Variants in ATG10 observed in about 807,000 individuals in gnomAD.
ATG10 encodes the protein ubiquitin-like-conjugating enzyme ATG10.
ATG10 carries 30 observed loss-of-function variants against 32.1 expected under a neutral mutation model. That is an observed-to-expected ratio of 0.94 (90% CI 0.70 to 1.27). ATG10 has a LOEUF of 1.27. Among genes scored for constraint, ATG10 ranks in the 50% most tolerant of loss-of-function variants. The probability of loss-of-function intolerance (pLI) is 0.00; values close to 1 mark genes in which losing one functional copy is unlikely to be tolerated. For synonymous variants in ATG10, 87 were observed against 91.5 expected, an observed-to-expected ratio of 0.95 and a Z score of 0.28; for missense variants, 233 against 262.3, an observed-to-expected ratio of 0.89 and a Z score of 0.77.
chr5:82,055,192 A>T (rs1280313589), intron 2 of ATG10, among the ~76,000 whole-genome samples: 1 of 152,158 alleles, frequency 6.6e-6, no homozygotes, highest in African/African-American at 2.4e-5. Flanking sequence ...AAATCCAAAA[A>T]ACTCTATATT....
chr5:82,002,353 T>C (rs762595872), intron 2 of ATG10, among the ~76,000 whole-genome samples: 7 of 152,206 alleles, frequency 4.6e-5, no homozygotes, highest in Non-Finnish European at 8.8e-5. Context: ...CATATGTTCA[T>C]GGCAGCACTT....
At chr5:82,073,251 A>G (rs1427068386) in intron 3 of ATG10, 1 of 152,156 alleles carries the variant, frequency 6.6e-6, no homozygotes, top group Non-Finnish European at 1.5e-5. Context: ...GATCTATTCT[A>G]CTCAATCTAC....
intron 3 of ATG10, among the ~76,000 whole-genome samples, chr5:82,064,033 A>G (rs751401894): frequency 6.6e-6 from 1 of 152,218 alleles, no homozygotes; most frequent in Non-Finnish European, 1.5e-5. Context: ...TGCTCATGAT[A>G]GATGAACTCA....
At chr5:82,135,477 G>A (rs771972563) in intron 3 of ATG10, among the ~76,000 whole-genome samples, 12 of 152,150 alleles carry the variant, frequency 7.9e-5, no homozygotes, top group African/African-American at 1.7e-4. Flanking sequence ...CTTAATTTTC[G>A]TTATTTACCC....
chr5:82,069,883 G>A (rs1764065396), intron 3 of ATG10, among the ~76,000 whole-genome samples: 1 of 152,046 alleles, frequency 6.6e-6, no homozygotes, highest in Non-Finnish European at 1.5e-5. Flanking sequence ...ATTGTTAAAG[G>A]TTTTCAAAAG....
chr5:82,203,891 G>A (rs909713664), intron 5 of ATG10, among the ~76,000 whole-genome samples: 6 of 151,974 alleles, frequency 3.9e-5, no homozygotes, highest in African/African-American at 1.2e-4. Context: ...CTTTTATTGC[G>A]GTCCCAGGTA....
intron 2 of ATG10, chr5:81,991,993 AT>A (rs201323932): frequency 1.1e-3 from 172 of 149,702 alleles, no homozygotes; most frequent in African/African-American, 3.9e-3. Flanking sequence ...TGCCTGGCTA[AT>A]TTTTTTTTTA....
rs373527599 is a variant in ATG10 at position 82,211,509 on chromosome 5, A to C, written c.453+32922A>C. 1.6e-3 allele frequency among the ~76,000 whole-genome samples: 240 copies of C among 152,060 alleles called. 11 individuals are homozygous for C. In the South Asian group the frequency reaches 0.05, roughly 31 times the overall value. On this transcript the variant is annotated intron_variant, in intron 5 of 7. Transcript: ENST00000282185. ...CTATGCTCTCTGGAATTCCTTTTCC[A>C]TGGTGGAAAGGTTCCCTACATTCTC...
At chr5:81,975,865 TA>T (rs1452745741) in intron 1 of ATG10, among the ~76,000 whole-genome samples, 1 of 151,964 alleles carries the variant, frequency 6.6e-6, no homozygotes, top group Non-Finnish European at 1.5e-5. Flanking sequence ...TTAAACTATA[TA>T]ATATATAATA....
rs1747339226 is a variant in ATG10, at chr5:82,253,386, T to C, written c.624T>C (p.Tyr208=). ...TTGGGCTGAATCTACCTCTGAGTTA[T>C]GCCAAAGCAACGTCTCAGGATGAAC... The part of the protein sequence containing the change: ...PVVGLNLPLS[Y]AKATSQDERN... The change falls in exon 7 of 8, where the codon TAT becomes TAC. Residue 208 remains tyrosine, a synonymous_variant. Coordinates refer to ENST00000282185, the MANE Select transcript of ATG10 (RefSeq NM_031482.5). The C allele has an allele frequency of 6.2e-7, 1 of 1,611,790 alleles. No individual in the cohort carries two copies. The highest frequency in any genetic ancestry group is 8.5e-7 in the Non-Finnish European group (1 of 1,177,812).
chr5:81,993,129 T>C (rs956018544), intron 2 of ATG10, among the ~76,000 whole-genome samples: 1 of 152,012 alleles, frequency 6.6e-6, no homozygotes, highest in African/African-American at 2.4e-5. Context: ...TCAAATACCT[T>C]CTTTACCATT....
chr5:82,088,594 T>TA (rs1417953582), intron 3 of ATG10, among the ~76,000 whole-genome samples: 1 of 152,192 alleles, frequency 6.6e-6, no homozygotes, highest in African/African-American at 2.4e-5. Context: ...GTGAGTCTCT[T>TA]ACCTCATCCT....
intron 3 of ATG10, among the ~76,000 whole-genome samples, chr5:82,140,046 G>C (rs1312441570): frequency 3.8e-5 from 5 of 131,880 alleles, no homozygotes; most frequent in African/African-American, 5.7e-5. Flanking sequence ...CCGGCCAGCC[G>C]CCCCGTCCGG....
At chr5:82,130,885 T>C (rs1766491986) in intron 3 of ATG10, among the ~76,000 whole-genome samples, 1 of 152,114 alleles carries the variant, frequency 6.6e-6, no homozygotes, top group Non-Finnish European at 1.5e-5. Context: ...GTTGTAAAAG[T>C]AGAAAACATT....
At chr5:82,047,378 C>T (rs1763264613) in intron 2 of ATG10, among the ~76,000 whole-genome samples, 1 of 152,084 alleles carries the variant, frequency 6.6e-6, no homozygotes, top group Non-Finnish European at 1.5e-5. Context: ...ATAGTGAAAC[C>T]TAACATTGTG....
At position 82,020,594 on chromosome 5, in the gene ATG10, T is replaced by C. The variant is rs1405144015; in HGVS notation, c.108+32916T>C. 2.0e-5 allele frequency among the ~76,000 whole-genome samples: 3 copies of C among 152,182 alleles called. No homozygotes were observed. The East Asian group carries it at 5.8e-4, about 29-fold the overall frequency. On this transcript the variant is annotated intron_variant, in intron 2 of 7. Coordinates refer to ENST00000282185, the MANE Select transcript of ATG10 (RefSeq NM_031482.5). ...TCAGCTGATGTGCACAGGGCTTGCT[T>C]ATGCATGTGCTGTCAACTGAGGGTT... is the stretch of plus-strand genomic sequence containing the variant.
In ATG10 at chr5:82,009,996, G is replaced by C. The variant is rs549474989; in HGVS notation, c.108+22318G>C. ...AGTGCTCAGAGCATGAAAATTTTCT[G>C]CTGTCTTTGGGACCTTGTCAGCTAA... On this transcript the variant is annotated intron_variant, in intron 2 of 7. Coordinates refer to ENST00000282185, the MANE Select transcript of ATG10 (RefSeq NM_031482.5). 25 of 1,610,606 alleles carry C rather than the reference G, an allele frequency of 1.6e-5. 1 individual carries two copies. The South Asian group carries it at 2.5e-4, about 16-fold the overall frequency.
intron 3 of ATG10, among the ~76,000 whole-genome samples, chr5:82,090,691 GTGTATCAGTGCACTGCAC>G (rs1203247072): frequency 5.3e-5 from 8 of 151,968 alleles, no homozygotes; most frequent in South Asian, 2.1e-4. Context: ...CACTGTATCA[GTGTATCAGTGCACTGCAC>G]TGTATCAGTG....
At chr5:82,000,914 C>T (rs917408512) in intron 2 of ATG10, among the ~76,000 whole-genome samples, 1 of 152,124 alleles carries the variant, frequency 6.6e-6, no homozygotes. Context: ...GCCTTGGCCT[C>T]CCAAAATGCT....
Sources: gnomAD v4.1 joint callset for allele counts (sites outside exome capture counted in the v4.1 genomes callset) on GRCh38, gnomAD v4.1.1 for gene constraint, MANE v1.5 for transcripts, NCBI Gene and HGNC (gene_info 2026-07-23, HGNC 2026-07-21) for gene names.